C6orf52: variants seen among roughly 807,000 people sequenced by gnomAD.
The protein encoded by C6orf52 is putative uncharacterized protein C6orf52.
In C6orf52, 16 loss-of-function variants were observed where a neutral mutation model predicts 16.6. That is an observed-to-expected ratio of 0.96 (90% CI 0.65 to 1.46). The LOEUF (loss-of-function observed/expected upper bound fraction) is 1.46. Among genes scored for constraint, C6orf52 ranks in the 40% most tolerant of loss-of-function variants. The pLI is 0.00. For synonymous variants in C6orf52, 53 were observed against 61.4 expected (o/e 0.86, Z 0.64); for missense variants, 166 against 182.3 (o/e 0.91, Z 0.52).
Position 10,683,237 on chromosome 6 carries a change from A to C in C6orf52, c.271-5T>G. 1 of 1,533,164 alleles carries C rather than the reference A, an allele frequency of 6.5e-7. No individual in the cohort carries two copies. Among genetic ancestry groups the C allele is most frequent in the Non-Finnish European group, 8.8e-7 (1 of 1,131,760 alleles). 95.0% of individuals were successfully genotyped at this position (1,533,164 alleles called of 1,614,324 possible). ...TTCAGCTAGAGGTGTGGTTTCCTGC[A>C]ACAAAATATTATCTCATGAGAAAAT... is the stretch of plus-strand genomic sequence containing the variant. On this transcript the variant is annotated splice_polypyrimidine_tract_variant and splice_region_variant and intron_variant, in intron 3 of 4. Coordinates refer to ENST00000259983, the MANE Select transcript of C6orf52 (RefSeq NM_001145020.3).
intron 1 of C6orf52, among the ~76,000 whole-genome samples, chr6:10,693,669 G>A (rs1201229454): frequency 6.6e-6 from 1 of 152,194 alleles, no homozygotes; most frequent in Non-Finnish European, 1.5e-5. Flanking sequence ...TTACTCTGTT[G>A]GGAGCTTGTA....
At chr6:10,677,075 C>CA (rs1194184183) in intron 4 of C6orf52, among the ~76,000 whole-genome samples, 4 of 152,010 alleles carry the variant, frequency 2.6e-5, no homozygotes, top group Non-Finnish European at 5.9e-5. Context: ...AGGTCATATC[C>CA]AAAAAAATCA....
At position 10,694,296 on chromosome 6, in the gene C6orf52, C is replaced by T. The variant is rs142979840; in HGVS notation, c.-12+198G>A. Among the ~76,000 whole-genome samples, 220 of 151,844 alleles carry T rather than the reference C, an allele frequency of 1.4e-3. 1 individual carries two copies. Among genetic ancestry groups the T allele is most frequent in the Non-Finnish European group, 2.3e-3 (158 of 67,972 alleles). On this transcript the variant is annotated intron_variant, in intron 1 of 4. Coordinates refer to ENST00000259983, the MANE Select transcript of C6orf52 (RefSeq NM_001145020.3). ...AAAAAAAAATGAAGGCTCACTGCTC[C>T]CTCCCCAGGAGGTGCCGCAACCTTG...
In C6orf52 at chr6:10,694,590, C is replaced by A. The variant is rs1769701366; in HGVS notation, c.-108G>T. ...ACAACAATGCACGCTGCCGGCGCTA[C>A]AGCCCCTAAGCAACCGGCCGGAAGT... is the stretch of plus-strand genomic sequence containing the variant. On this transcript the variant is annotated 5_prime_UTR_variant, in exon 1 of 5. Coordinates refer to ENST00000259983, the MANE Select transcript of C6orf52 (RefSeq NM_001145020.3). 5.2e-5 allele frequency: 9 copies of A among 172,400 alleles called. No homozygotes were observed. The South Asian group carries it at 6.8e-4, about 13-fold the overall frequency. The allele number at this position is 172,400 out of a possible 1,614,324, so 10.7% of individuals were successfully genotyped here. A position where few individuals can be genotyped will look rare whatever the true frequency, so the allele number is the denominator to read the frequency against.
intron 4 of C6orf52, among the ~76,000 whole-genome samples, chr6:10,676,392 ATTTTC>A (rs1334937872): frequency 1.3e-5 from 2 of 152,106 alleles, no homozygotes; most frequent in Non-Finnish European, 2.9e-5. Flanking sequence ...CCCCCAAATC[ATTTTC>A]TTTTCTAACA....
In C6orf52 at chr6:10,684,274, C is replaced by T. The variant is rs892888934; in HGVS notation, c.271-1042G>A. ...AGTGAGTTATGATGGCACCACTGCA[C>T]TCCAGCCTGGGCAAAAGAGCAAGAC... On this transcript the variant is annotated intron_variant, in intron 3 of 4. Transcript: ENST00000259983. Among the ~76,000 whole-genome samples the T allele has an allele frequency of 7.2e-5, 11 of 152,296 alleles. No individual in the cohort carries two copies. The South Asian group carries it at 1.2e-3, about 17-fold the overall frequency.
chr6:10,688,492 CATG>C (rs930160208), intron 1 of C6orf52, among the ~76,000 whole-genome samples: 1 of 152,184 alleles, frequency 6.6e-6, no homozygotes, highest in African/African-American at 2.4e-5. Context: ...AAATAGCAAA[CATG>C]ATGAATTCAA....
intron 3 of C6orf52, among the ~76,000 whole-genome samples, chr6:10,685,465 C>T (rs892449180): frequency 2.0e-5 from 3 of 151,934 alleles, no homozygotes; most frequent in African/African-American, 7.3e-5. Context: ...AGTGAAATAT[C>T]ATAATATAAA....
chr6:10,688,409 G>A (rs1769031068), intron 1 of C6orf52, among the ~76,000 whole-genome samples: 1 of 152,154 alleles, frequency 6.6e-6, no homozygotes, highest in Admixed American at 6.5e-5. Context: ...GGGGCACTTA[G>A]GGTTTGGCCA....
chr6:10,672,635 C>T, intron 4 of C6orf52: 1 of 689,608 alleles, frequency 1.5e-6, no homozygotes, highest in Non-Finnish European at 2.6e-6. Context: ...ACTGAGACGT[C>T]ACTACAAAAT....
chr6:10,679,577 AAAACAAAAAAC>A (rs1383843003), intron 4 of C6orf52, among the ~76,000 whole-genome samples: 2,429 of 137,480 alleles, frequency 0.018, 80 homozygotes, highest in African/African-American at 0.082. Context: ...TTAAAAAAAA[AAAACAAAAAAC>A]AAAAACCATA....
chr6:10,673,638 C>T (rs542559447), intron 4 of C6orf52, among the ~76,000 whole-genome samples: 7 of 152,240 alleles, frequency 4.6e-5, no homozygotes, highest in South Asian at 4.1e-4. Flanking sequence ...CACAACATTA[C>T]GAATGTACTT....
chr6:10,694,386 G>C (rs951227718), intron 1 of C6orf52, 108 bp downstream of exon 1: 3 of 153,194 alleles, frequency 2.0e-5, no homozygotes, highest in Non-Finnish European at 4.4e-5. Flanking sequence ...GTTCTGGCCC[G>C]GGCAGACGGG....
intron 4 of C6orf52, among the ~76,000 whole-genome samples, chr6:10,673,397 G>A (rs1767593904): frequency 6.6e-6 from 1 of 152,212 alleles, no homozygotes; most frequent in Admixed American, 6.5e-5. Context: ...CCCTAAACCT[G>A]TGAATCTTCT....
intron 4 of C6orf52, among the ~76,000 whole-genome samples, chr6:10,674,045 G>A (rs1157361851): frequency 6.6e-6 from 1 of 152,170 alleles, no homozygotes; most frequent in Admixed American, 6.5e-5. Context: ...CTGGAAACCG[G>A]AAGTCCAAGA....
intron 1 of C6orf52, among the ~76,000 whole-genome samples, chr6:10,693,394 CAAT>C (rs1172453920): frequency 6.6e-6 from 1 of 152,214 alleles, no homozygotes; most frequent in Admixed American, 6.5e-5. Context: ...CTATTTCTAA[CAAT>C]AACAAGGTCT....
At position 10,678,359 on chromosome 6, in the gene C6orf52, C is replaced by A. The variant is rs137902902; in HGVS notation, c.316+4828G>T. On this transcript the variant is annotated intron_variant, in intron 4 of 4. Transcript: ENST00000259983. ...TAGTGTTCAGTATAGACATCTTTCA[C>A]CTCAGTTAAATTTACTCTTAAGTTT... Among the ~76,000 whole-genome samples the A allele has an allele frequency of 5.7e-3, 861 of 152,200 alleles. 7 individuals are homozygous for A. Among genetic ancestry groups the A allele is most frequent in the African/African-American group, 0.02 (821 of 41,500 alleles).
chr6:10,681,635 C>T (rs1380991701), intron 4 of C6orf52, among the ~76,000 whole-genome samples: 2 of 152,218 alleles, frequency 1.3e-5, no homozygotes, highest in Non-Finnish European at 2.9e-5. Flanking sequence ...CATACCCACA[C>T]TTCCTATAAG....
intron 4 of C6orf52, chr6:10,672,634 T>C (rs1767532321): frequency 4.3e-6 from 3 of 689,756 alleles, no homozygotes; most frequent in Admixed American, 2.1e-5. Flanking sequence ...TACTGAGACG[T>C]CACTACAAAA....
Sources: gnomAD v4.1 joint callset for allele counts (sites outside exome capture counted in the v4.1 genomes callset) on GRCh38, gnomAD v4.1.1 for gene constraint, MANE v1.5 for transcripts, NCBI Gene and HGNC (gene_info 2026-07-23, HGNC 2026-07-21) for gene names.